The following KLF12 variants were observed in gnomAD, a reference collection of about 807,000 sequenced individuals.
KLF12 encodes the protein Krueppel-like factor 12.
KLF12 carries 9 observed loss-of-function variants against 37.8 expected under a neutral mutation model. That is an observed-to-expected ratio of 0.24 (90% CI 0.14 to 0.42). KLF12 has a LOEUF of 0.42. KLF12 is among the 10% of genes least tolerant of loss of function. The pLI is 1.00. For synonymous variants in KLF12, 208 were observed against 202.1 expected (o/e 1.03, Z -0.25); for missense variants, 411 against 516.0 (o/e 0.80, Z 1.97).
chr13:73,800,640 G>A (rs1882235284), intron 5 of KLF12: 1 of 151,960 alleles, frequency 6.6e-6, no homozygotes, highest in African/African-American at 2.4e-5. Context: ...ACATGACTTA[G>A]TCTAACATTA....
chr13:73,845,147 CCT>C (rs1369513842), intron 4 of KLF12: 1 of 152,158 alleles, frequency 6.6e-6, no homozygotes, highest in Non-Finnish European at 1.5e-5. Context: ...AAGTTATCTT[CCT>C]GCCTTCTACC....
chr13:74,140,916 C>T, the KLF12 span, among the ~76,000 whole-genome samples: 42 of 145,866 alleles, frequency 2.9e-4, 1 homozygote, highest in African/African-American at 1.0e-3. Flanking sequence ...ATTAGCCAGG[C>T]GTGGTGGCAG....
At chr13:73,890,433 C>T (rs979173203) in intron 3 of KLF12, among the ~76,000 whole-genome samples, 1 of 152,018 alleles carries the variant, frequency 6.6e-6, no homozygotes, top group Non-Finnish European at 1.5e-5. Context: ...TCCTTTTTAT[C>T]TCACTGTTAT....
At chr13:74,281,313 C>T in the KLF12 span, among the ~76,000 whole-genome samples, 2 of 152,148 alleles carry the variant, frequency 1.3e-5, no homozygotes, top group East Asian at 3.9e-4. Context: ...TGACTGTCAT[C>T]AGAGACAAAG....
chr13:74,088,462 A>G (rs1293105156), intron 1 of KLF12, among the ~76,000 whole-genome samples: 1 of 152,128 alleles, frequency 6.6e-6, no homozygotes, highest in Non-Finnish European at 1.5e-5. Flanking sequence ...TACTGATCTT[A>G]AGCGATCCGC....
intron 5 of KLF12, among the ~76,000 whole-genome samples, chr13:73,794,334 G>A (rs1193262805): frequency 1.3e-5 from 2 of 152,156 alleles, no homozygotes; most frequent in East Asian, 1.9e-4. Context: ...GATGGTATGC[G>A]CTTGTAGTCT....
intron 5 of KLF12, among the ~76,000 whole-genome samples, chr13:73,774,827 AT>A (rs1414480247): frequency 4.6e-5 from 7 of 151,424 alleles, no homozygotes; most frequent in Middle Eastern, 3.4e-3. Flanking sequence ...TTCAACAGTT[AT>A]TATCAATAAC....
chr13:74,227,786 T>C, the KLF12 span, among the ~76,000 whole-genome samples: 2 of 152,134 alleles, frequency 1.3e-5, no homozygotes, highest in Non-Finnish European at 2.9e-5. Context: ...AGAAAATAAT[T>C]CCTTTAGAAG....
At chr13:74,093,423 T>G (rs926314233) in intron 1 of KLF12, among the ~76,000 whole-genome samples, 1 of 152,184 alleles carries the variant, frequency 6.6e-6, no homozygotes, top group Non-Finnish European at 1.5e-5. Flanking sequence ...GTTCCATATT[T>G]CCAACATTGT....
intron 1 of KLF12, among the ~76,000 whole-genome samples, chr13:74,051,316 TG>T (rs754352881): frequency 2.1e-5 from 3 of 143,066 alleles, no homozygotes; most frequent in East Asian, 2.0e-4. Context: ...AAAGAAAATG[TG>T]GTGTGTGTAT....
intron 6 of KLF12, among the ~76,000 whole-genome samples, chr13:73,747,277 G>A (rs1289717134): frequency 6.6e-6 from 1 of 152,136 alleles, no homozygotes; most frequent in Non-Finnish European, 1.5e-5. Flanking sequence ...TCCAGAGGAG[G>A]AATGAAGAAC....
chr13:73,784,631 CTTT>C (rs555038538), intron 5 of KLF12, among the ~76,000 whole-genome samples: 3 of 136,818 alleles, frequency 2.2e-5, no homozygotes, highest in Non-Finnish European at 1.6e-5. Context: ...TCCTCATCTC[CTTT>C]TTTTTTTTTT....
intron 4 of KLF12, among the ~76,000 whole-genome samples, chr13:73,817,173 C>A (rs577794465): frequency 6.6e-6 from 1 of 151,366 alleles, no homozygotes; most frequent in Non-Finnish European, 1.5e-5. Context: ...AAAACATCAG[C>A]AGAGTGTGGT....
At chr13:74,001,646 T>C (rs552211387) in intron 1 of KLF12, among the ~76,000 whole-genome samples, 5 of 152,348 alleles carry the variant, frequency 3.3e-5, no homozygotes, top group South Asian at 4.1e-4. Flanking sequence ...TTCAAATGCA[T>C]AGTAAACAGT....
At chr13:74,018,362 T>C (rs1892755137) in intron 1 of KLF12, among the ~76,000 whole-genome samples, 1 of 152,136 alleles carries the variant, frequency 6.6e-6, no homozygotes, top group Admixed American at 6.5e-5. Flanking sequence ...ACAGGAGAAA[T>C]ACATTCAAGA....
chr13:73,761,454 TG>T (rs911040976), intron 6 of KLF12, among the ~76,000 whole-genome samples: 33 of 152,178 alleles, frequency 2.2e-4, no homozygotes, highest in African/African-American at 7.5e-4. Context: ...AACCCAGAGA[TG>T]GCATCAGAGG....
chr13:73,842,383 T>C (rs1884781756), intron 4 of KLF12, among the ~76,000 whole-genome samples: 1 of 152,216 alleles, frequency 6.6e-6, no homozygotes, highest in African/African-American at 2.4e-5. Flanking sequence ...CTATGATTAT[T>C]TCGTGGAAAG....
chr13:73,802,651 T>TA (rs1177589401), intron 5 of KLF12, among the ~76,000 whole-genome samples: 3 of 152,150 alleles, frequency 2.0e-5, no homozygotes, highest in African/African-American at 7.2e-5. Context: ...TCCCAGTGTC[T>TA]ACTGTTGCCA....
At chr13:73,859,320 G>A (rs763967611) in intron 3 of KLF12, among the ~76,000 whole-genome samples, 9 of 152,122 alleles carry the variant, frequency 5.9e-5, no homozygotes, top group African/African-American at 1.7e-4. Context: ...GAAGAAATTC[G>A]GTCTCACGGA....
Sources: allele counts gnomAD v4.1 joint callset (sites outside exome capture counted in the v4.1 genomes callset), GRCh38; gene constraint gnomAD v4.1.1; transcripts MANE v1.5; gene names NCBI Gene and HGNC (gene_info 2026-07-23, HGNC 2026-07-21).